Variants in CIMAP3 observed in about 807,000 individuals in gnomAD.
The protein encoded by CIMAP3 is ciliary microtubule associated protein 3.
the CIMAP3 span, among the ~76,000 whole-genome samples, chr1:111,331,787 C>T: frequency 6.6e-6 from 1 of 151,670 alleles, no homozygotes; most frequent in Non-Finnish European, 1.5e-5. Context: ...GTTAATGTGT[C>T]CCTACATTGA....
the CIMAP3 span, chr1:111,346,780 TTGGCG>T: frequency 9.0e-6 from 14 of 1,561,306 alleles, no homozygotes; most frequent in Non-Finnish European, 1.2e-5. Flanking sequence ...CTCCAGGAGT[TTGGCG>T]TGGTTTTGTA....
chr1:111,325,349 C>T, the CIMAP3 span, among the ~76,000 whole-genome samples: 6,918 of 152,286 alleles, frequency 0.045, 323 homozygotes, highest in African/African-American at 0.11. Context: ...CAATGACAGA[C>T]TAATACTTAT....
the CIMAP3 span, among the ~76,000 whole-genome samples, chr1:111,339,754 C>T: frequency 6.6e-6 from 1 of 151,776 alleles, no homozygotes; most frequent in African/African-American, 2.4e-5. Flanking sequence ...TAGGAAGAAT[C>T]AATATCGTGA....
At chr1:111,341,240 G>A in the CIMAP3 span, among the ~76,000 whole-genome samples, 1 of 151,200 alleles carries the variant, frequency 6.6e-6, no homozygotes, top group Non-Finnish European at 1.5e-5. Flanking sequence ...GATAGCATTG[G>A]GAGATATACC....
the CIMAP3 span, chr1:111,349,825 T>G: frequency 3.5e-6 from 1 of 287,722 alleles, no homozygotes. Flanking sequence ...TAGGACCTTC[T>G]CATCTCTCAG....
chr1:111,340,831 A>G, the CIMAP3 span, among the ~76,000 whole-genome samples: 1 of 152,102 alleles, frequency 6.6e-6, no homozygotes, highest in East Asian at 1.9e-4. Flanking sequence ...TAGAAATACC[A>G]TTTGACCCAG....
chr1:111,329,536 TATATATATATATATATATATATAA>T, the CIMAP3 span, among the ~76,000 whole-genome samples: 483 of 99,312 alleles, frequency 4.9e-3, 1 homozygote, highest in African/African-American at 0.019. Context: ...TATATATATA[TATATATATATATATATATATATAA>T]TTTTTTTTTT....
At chr1:111,346,334 G>A in the CIMAP3 span, 1 of 296,636 alleles carries the variant, frequency 3.4e-6, no homozygotes, top group Middle Eastern at 1.0e-3. Flanking sequence ...GAACCTCACT[G>A]TCCTTCCCTC....
At chr1:111,350,480 G>C in the CIMAP3 span, among the ~76,000 whole-genome samples, 3 of 152,124 alleles carry the variant, frequency 2.0e-5, no homozygotes, top group African/African-American at 4.8e-5. Flanking sequence ...TTTTGTGGTA[G>C]GTACAGAGGA....
At chr1:111,350,227 A>G in the CIMAP3 span, 1 of 1,591,214 alleles carries the variant, frequency 6.3e-7, no homozygotes, top group Non-Finnish European at 8.6e-7. Flanking sequence ...AGCTGAGGTA[A>G]TAAGATTGGA....
the CIMAP3 span, among the ~76,000 whole-genome samples, chr1:111,345,457 G>C: frequency 6.6e-6 from 1 of 152,208 alleles, no homozygotes; most frequent in Non-Finnish European, 1.5e-5. Context: ...ACAACTCACT[G>C]TATGCCTGGG....
chr1:111,342,361 C>T, the CIMAP3 span, among the ~76,000 whole-genome samples: 1 of 152,220 alleles, frequency 6.6e-6, no homozygotes, highest in African/African-American at 2.4e-5. Flanking sequence ...ATGTGTCCAA[C>T]TTTCAGGCCT....
chr1:111,351,548 G>A, the CIMAP3 span: 1 of 379,640 alleles, frequency 2.6e-6, no homozygotes, highest in East Asian at 4.0e-5. Flanking sequence ...GTCTGGGTCT[G>A]TGGGTTTCTG....
the CIMAP3 span, among the ~76,000 whole-genome samples, chr1:111,328,372 TC>T: frequency 6.6e-6 from 1 of 152,210 alleles, no homozygotes; most frequent in South Asian, 2.1e-4. Flanking sequence ...ATCCATTGGG[TC>T]CAATGTTGAG....
the CIMAP3 span, among the ~76,000 whole-genome samples, chr1:111,339,607 T>C: frequency 9.2e-5 from 14 of 151,924 alleles, no homozygotes; most frequent in East Asian, 2.7e-3. Flanking sequence ...CATTCACAAT[T>C]GCTTCAAAGA....
At chr1:111,332,636 G>A in the CIMAP3 span, among the ~76,000 whole-genome samples, 2 of 152,200 alleles carry the variant, frequency 1.3e-5, no homozygotes, top group Non-Finnish European at 2.9e-5. Flanking sequence ...AGGTCTACTT[G>A]GCTGGTCTGG....
chr1:111,328,357 A>G, the CIMAP3 span, among the ~76,000 whole-genome samples: 1 of 152,250 alleles, frequency 6.6e-6, no homozygotes, highest in Non-Finnish European at 1.5e-5. Context: ...GTAAAGGTCT[A>G]TCAGATCCAT....
the CIMAP3 span, among the ~76,000 whole-genome samples, chr1:111,337,222 A>T: frequency 6.6e-6 from 1 of 152,226 alleles, no homozygotes. Context: ...AGGAACAACC[A>T]GTACCAGCCA....
At chr1:111,345,443 T>C in the CIMAP3 span, among the ~76,000 whole-genome samples, 2 of 152,252 alleles carry the variant, frequency 1.3e-5, no homozygotes, top group African/African-American at 4.8e-5. Context: ...ATGTGGGACA[T>C]GGGACAACTC....
Sources: gnomAD v4.1 joint callset for allele counts (sites outside exome capture counted in the v4.1 genomes callset) on GRCh38, gnomAD v4.1.1 for gene constraint, MANE v1.5 for transcripts, NCBI Gene and HGNC (gene_info 2026-07-23, HGNC 2026-07-21) for gene names.